DAW1: variants seen among roughly 807,000 people sequenced by gnomAD.
DAW1 encodes dynein assembly factor with WD repeat domains 1.
DAW1 carries 47 observed loss-of-function variants against 56.5 expected under a neutral mutation model. The observed-to-expected ratio is 0.83, with a 90% CI of 0.66 to 1.06. The LOEUF (loss-of-function observed/expected upper bound fraction) is 1.06. DAW1 is among the 50% of genes least tolerant of loss of function. The pLI, the probability that DAW1 is intolerant of heterozygous loss-of-function variation, is 0.00. For missense variants in DAW1, 505 were observed against 499.3 expected, an observed-to-expected ratio of 1.01 and a Z score of -0.11; for synonymous variants, 190 against 179.0, an observed-to-expected ratio of 1.06 and a Z score of -0.49.
At chr2:227,872,434 C>T (rs1690779013) in intron 1 of DAW1, 1 of 152,066 alleles carries the variant, frequency 6.6e-6, no homozygotes, top group African/African-American at 2.4e-5. Flanking sequence ...TTAAGAATAG[C>T]TTTATGAGGG....
In DAW1 at chr2:227,898,277, A is replaced by G; in HGVS notation, c.536A>G (p.Glu179Gly). ...CYHTFRGHTA[E>G]IVCLSFNPQS... The stretch of plus-strand genomic sequence containing the variant: ...CATACCTTCAGGGGTCATACAGCAG[A>G]AATAGTGAGTATATTTAACAATTTA... Residue 179 changes from glutamate (E) to glycine (G), a missense_variant, in exon 6 of 13, where the codon GAA becomes GGA. Coordinates refer to ENST00000309931, the MANE Select transcript of DAW1 (RefSeq NM_178821.3). 1 of 1,488,394 alleles carries G rather than the reference A, an allele frequency of 6.7e-7. No homozygotes were observed. The highest frequency in any genetic ancestry group is 9.0e-7 in the Non-Finnish European group (1 of 1,106,658). 92.2% of individuals were successfully genotyped at this position (1,488,394 alleles called of 1,614,324 possible). A position where few individuals can be genotyped will look rare whatever the true frequency, so the allele number is the denominator to read the frequency against.
intron 10 of DAW1, chr2:227,912,219 G>A (rs754545799): frequency 9.6e-6 from 4 of 416,300 alleles, no homozygotes; most frequent in South Asian, 7.5e-5. Flanking sequence ...CTATATCTAT[G>A]TCACCTTCTT....
At chr2:227,873,402 G>T (rs1343138205) in intron 1 of DAW1, among the ~76,000 whole-genome samples, 1 of 152,176 alleles carries the variant, frequency 6.6e-6, no homozygotes, top group African/African-American at 2.4e-5. Context: ...GCTTCTAGAA[G>T]AGATTTGGTG....
intron 10 of DAW1, among the ~76,000 whole-genome samples, chr2:227,910,560 A>T (rs1335256371): frequency 6.6e-6 from 1 of 151,770 alleles, no homozygotes; most frequent in East Asian, 1.9e-4. Context: ...GTGGTGTTAC[A>T]TTATTTGAAA....
intron 1 of DAW1, among the ~76,000 whole-genome samples, chr2:227,881,585 G>A (rs904141361): frequency 1.5e-4 from 23 of 152,096 alleles, no homozygotes; most frequent in Non-Finnish European, 2.9e-4. Flanking sequence ...TGTTCATTGA[G>A]ACTTTATGCC....
intron 10 of DAW1, among the ~76,000 whole-genome samples, chr2:227,911,876 GA>G (rs1408273040): frequency 2.0e-5 from 3 of 152,152 alleles, no homozygotes; most frequent in Non-Finnish European, 2.9e-5. Flanking sequence ...GGACCTTTAT[GA>G]GATTACACTA....
In DAW1 at chr2:227,906,301, C is replaced by G; in HGVS notation, c.821C>G (p.Ser274Cys). The change falls in exon 9 of 13, where the codon TCT becomes TGT. Residue 274 changes from serine (S) to cysteine (C), a missense_variant. Transcript: ENST00000309931. ...ISSASFNWDC[S>C]LILTGSMDKT... ...AGTGCCTCATTCAATTGGGATTGCT[C>G]TCTAATATTAACTGGCTCTATGGAC... The G allele has an allele frequency of 6.2e-7, 1 of 1,612,668 alleles. No homozygotes were observed. The highest frequency in any genetic ancestry group is 8.5e-7 in the Non-Finnish European group (1 of 1,179,120).
rs560976974 is a variant in DAW1 at position 227,888,561 on chromosome 2, G to C, written c.114-1295G>C. Reference sequence around the variant, plus strand: ...CTGCCCCTGCTCAGCTGTGGACGGAGAGCCACCAGAGAAGAGGCAGCCCTG... The same window carrying C: ...CTGCCCCTGCTCAGCTGTGGACGGACAGCCACCAGAGAAGAGGCAGCCCTG... On this transcript the variant is annotated intron_variant, in intron 2 of 12. Coordinates refer to ENST00000309931, the MANE Select transcript of DAW1 (RefSeq NM_178821.3). Among the ~76,000 whole-genome samples the C allele has an allele frequency of 3.3e-5, 5 of 152,322 alleles. No homozygotes were observed. In the East Asian group the frequency reaches 9.6e-4, roughly 29 times the overall value.
At chr2:227,907,390 T>C (rs1691711478) in intron 10 of DAW1, 138 bp downstream of exon 10, 4 of 650,976 alleles carry the variant, frequency 6.1e-6, no homozygotes, top group South Asian at 2.1e-5. Context: ...ATCGTGACCA[T>C]GTATGGCACA....
At chr2:227,903,747 T>C (rs780777559) in intron 7 of DAW1, among the ~76,000 whole-genome samples, 16 of 149,122 alleles carry the variant, frequency 1.1e-4, no homozygotes, top group African/African-American at 1.5e-4. Context: ...TGACCCTATG[T>C]TGTAATCAGC....
chr2:227,886,371 C>A (rs541570125), intron 2 of DAW1, among the ~76,000 whole-genome samples: 43 of 152,232 alleles, frequency 2.8e-4, no homozygotes, highest in Admixed American at 7.2e-4. Context: ...AATTTCAGCA[C>A]TTTAGGAGGC....
chr2:227,908,989 A>G (rs909451175), intron 10 of DAW1, among the ~76,000 whole-genome samples: 3 of 152,164 alleles, frequency 2.0e-5, no homozygotes, highest in African/African-American at 7.2e-5. Flanking sequence ...ATGATGCTAT[A>G]TTGTATCTAT....
At chr2:227,888,945 T>C (rs981992145) in intron 2 of DAW1, among the ~76,000 whole-genome samples, 2 of 152,208 alleles carry the variant, frequency 1.3e-5, no homozygotes, top group Non-Finnish European at 2.9e-5. Flanking sequence ...ATTAGTCTTA[T>C]GATGCTTTAA....
At chr2:227,905,879 C>T (rs1691666087) in intron 8 of DAW1, among the ~76,000 whole-genome samples, 1 of 152,098 alleles carries the variant, frequency 6.6e-6, no homozygotes, top group African/African-American at 2.4e-5. Context: ...TTCAGCCTCC[C>T]GATTAGCAGG....
intron 10 of DAW1, among the ~76,000 whole-genome samples, chr2:227,915,741 A>G (rs1377946859): frequency 6.6e-6 from 1 of 152,102 alleles, no homozygotes; most frequent in Non-Finnish European, 1.5e-5. Context: ...TTGTGCTAAA[A>G]TATAATTGTC....
chr2:227,910,678 T>G (rs1372160058), intron 10 of DAW1, among the ~76,000 whole-genome samples: 1 of 152,196 alleles, frequency 6.6e-6, no homozygotes, highest in Non-Finnish European at 1.5e-5. Context: ...ATATTCATAA[T>G]AACCATTTAT....
chr2:227,899,491 A>G (rs1179347430), intron 6 of DAW1, among the ~76,000 whole-genome samples: 1 of 152,240 alleles, frequency 6.6e-6, no homozygotes, highest in African/African-American at 2.4e-5. Flanking sequence ...AACAAAATAT[A>G]ACCACCTCTC....
chr2:227,910,464 C>A (rs1691787750), intron 10 of DAW1, among the ~76,000 whole-genome samples: 2 of 145,536 alleles, frequency 1.4e-5, no homozygotes, highest in South Asian at 4.4e-4. Context: ...AGAGTGAGAC[C>A]CCATCTTCTT....
Position 227,891,298 on chromosome 2 carries a change from A to C in DAW1, c.302A>C (p.Asn101Thr). ...HILPLTNVALNKSGSCFITGS... is the reference protein window; with the variant it reads ...HILPLTNVALTKSGSCFITGS... Reference sequence around the variant, plus strand: ...TTGCCACTGACTAATGTTGCACTTAACAAATCGGGCTCATGGTAAGATTCT... The same window carrying C: ...TTGCCACTGACTAATGTTGCACTTACCAAATCGGGCTCATGGTAAGATTCT... The change falls in exon 4 of 13, where the codon AAC (asparagine) becomes ACC (threonine). Residue 101 changes from asparagine (N) to threonine (T), a missense_variant. Physicochemically the swap from Asn to Thr is moderately conservative, Grantham distance 65. Coordinates refer to ENST00000309931, the MANE Select transcript of DAW1 (RefSeq NM_178821.3). The C allele has an allele frequency of 6.2e-7, 1 of 1,613,608 alleles. No individual in the cohort carries two copies. Among genetic ancestry groups the C allele is most frequent in the Non-Finnish European group, 8.5e-7 (1 of 1,179,802 alleles).
Sources: allele counts gnomAD v4.1 joint callset (sites outside exome capture counted in the v4.1 genomes callset), GRCh38; gene constraint gnomAD v4.1.1; transcripts MANE v1.5; gene names NCBI Gene and HGNC (gene_info 2026-07-23, HGNC 2026-07-21).